The following PAIP2 variants were observed in gnomAD, a reference collection of about 807,000 sequenced individuals.
PAIP2 encodes the protein polyadenylate-binding protein-interacting protein 2.
Under a neutral mutation model 14.8 loss-of-function variants are expected in PAIP2, and 7 were observed. That is an observed-to-expected ratio of 0.47 (90% confidence interval 0.27 to 0.89). PAIP2 has a LOEUF of 0.89. PAIP2 is among the 40% of genes least tolerant of loss of function. The pLI, the probability that PAIP2 is intolerant of heterozygous loss-of-function variation, is 0.13. For synonymous variants in PAIP2, 47 were observed against 45.3 expected (o/e 1.04, Z -0.15); for missense variants, 122 against 154.7 (o/e 0.79, Z 1.12).
At chr5:139,360,027 C>T (rs752142406) in intron 1 of PAIP2, among the ~76,000 whole-genome samples, 5 of 152,006 alleles carry the variant, frequency 3.3e-5, no homozygotes, top group African/African-American at 4.8e-5. Flanking sequence ...AGTGCAGTGG[C>T]GCAGTCTCGG....
At chr5:139,353,719 TTTTC>T (rs763995643) in intron 1 of PAIP2, among the ~76,000 whole-genome samples, 14 of 103,878 alleles carry the variant, frequency 1.3e-4, no homozygotes, top group Non-Finnish European at 3.5e-4. Flanking sequence ...ATGCATTGTC[TTTTC>T]TTTTTTTTTT....
At chr5:139,347,419 G>A (rs1756586455) in intron 1 of PAIP2, among the ~76,000 whole-genome samples, 1 of 151,678 alleles carries the variant, frequency 6.6e-6, no homozygotes, top group Non-Finnish European at 1.5e-5. Context: ...CACTACAGGC[G>A]CCCACCACCA....
chr5:139,356,615 T>TA (rs1178514557), intron 1 of PAIP2, among the ~76,000 whole-genome samples: 8 of 152,092 alleles, frequency 5.3e-5, no homozygotes, highest in East Asian at 3.9e-4. Context: ...CACGGTGACT[T>TA]ACGCCTGTAA....
intron 1 of PAIP2, among the ~76,000 whole-genome samples, chr5:139,352,503 T>TTTTTTTGTTTTTG (rs1756772558): frequency 8.0e-6 from 1 of 124,462 alleles, no homozygotes; most frequent in Non-Finnish European, 1.7e-5. Flanking sequence ...TTTTTTGTTG[T>TTTTTTTGTTTTTG]TTTTTTTTTT....
intron 1 of PAIP2, among the ~76,000 whole-genome samples, chr5:139,348,109 G>A (rs1194357688): frequency 6.9e-6 from 1 of 145,274 alleles, no homozygotes; most frequent in African/African-American, 2.6e-5. Context: ...TCGTGCAGCT[G>A]CACTTTAGCC....
chr5:139,352,502 G>GTTTTTTTTTTTTTTTTTTTTTTTTT (rs536704901), intron 1 of PAIP2, among the ~76,000 whole-genome samples: 5 of 76,156 alleles, frequency 6.6e-5, no homozygotes, highest in South Asian at 5.0e-4. Flanking sequence ...TTTTTTTGTT[G>GTTTTTTTTTTTTTTTTTTTTTTTTT]TTTTTTTTTT....
At position 139,347,268 on chromosome 5, in the gene PAIP2, C is replaced by CTTT. The variant is rs34018719; in HGVS notation, c.-27+5309_-27+5311dup. ...TTACATGGAAATACTCATGTTACAA[C>CTTT]TTTTTTTTTTTTTTTTTTTTTTTAA... On this transcript the variant is annotated intron_variant, in intron 1 of 3. Coordinates refer to ENST00000265192, the MANE Select transcript of PAIP2 (RefSeq NM_016480.5). Among the ~76,000 whole-genome samples, 602 of 105,822 alleles carry CTTT rather than the reference C, an allele frequency of 5.7e-3. 13 individuals are homozygous for CTTT. The highest frequency in any genetic ancestry group is 0.015 in the African/African-American group (415 of 26,986). The allele number at this position is 105,822 out of a possible 152,430, so 69.4% of individuals were successfully genotyped here.
At chr5:139,344,312 A>G (rs1756472259) in intron 1 of PAIP2, among the ~76,000 whole-genome samples, 1 of 152,216 alleles carries the variant, frequency 6.6e-6, no homozygotes, top group African/African-American at 2.4e-5. Flanking sequence ...GCTATGTAGC[A>G]TAGCTGGGAT....
chr5:139,359,840 C>T (rs895389939), intron 1 of PAIP2, among the ~76,000 whole-genome samples: 1 of 150,812 alleles, frequency 6.6e-6, no homozygotes, highest in African/African-American at 2.4e-5. Context: ...GCCATGGTGG[C>T]ACGCTCCTGT....
chr5:139,357,782 G>A (rs984067468), intron 1 of PAIP2, among the ~76,000 whole-genome samples: 3 of 152,262 alleles, frequency 2.0e-5, no homozygotes, highest in South Asian at 2.1e-4. Flanking sequence ...AATGAGCTGA[G>A]ATTACGCGAC....
At chr5:139,345,308 G>A (rs1158753193) in intron 1 of PAIP2, among the ~76,000 whole-genome samples, 3 of 151,642 alleles carry the variant, frequency 2.0e-5, no homozygotes, top group African/African-American at 7.3e-5. Context: ...CAAAGTGCTG[G>A]GATTACAGGT....
chr5:139,363,714 A>C, intron 1 of PAIP2, 45 bp from the exon 2 acceptor site: 1 of 1,551,910 alleles, frequency 6.4e-7, no homozygotes. Context: ...GAAAGAAAAA[A>C]CCCTGAATGA....
At chr5:139,351,551 T>C (rs1318859240) in intron 1 of PAIP2, among the ~76,000 whole-genome samples, 1 of 152,256 alleles carries the variant, frequency 6.6e-6, no homozygotes, top group African/African-American at 2.4e-5. Context: ...AGGATACATA[T>C]TAAGCTGTTA....
chr5:139,345,500 A>T (rs1330985762), intron 1 of PAIP2, among the ~76,000 whole-genome samples: 6 of 152,234 alleles, frequency 3.9e-5, no homozygotes, highest in Admixed American at 6.5e-5. Context: ...TATGCGTAAA[A>T]TACGATTAAA....
rs541639191 is a variant in PAIP2, at chr5:139,345,594, T to G, written c.-27+3614T>G. ...AAAGATGGTGCCTATGGAGGTAGAT[T>G]AATGAAAGAAACAGAAGAGAACTAT... On this transcript the variant is annotated intron_variant, in intron 1 of 3. Coordinates refer to ENST00000265192, the MANE Select transcript of PAIP2 (RefSeq NM_016480.5). 1.1e-4 allele frequency among the ~76,000 whole-genome samples: 16 copies of G among 151,820 alleles called. No homozygotes were observed. The South Asian group carries it at 3.3e-3, about 32-fold the overall frequency.
intron 1 of PAIP2, among the ~76,000 whole-genome samples, chr5:139,349,137 G>A (rs767076624): frequency 3.9e-5 from 6 of 152,240 alleles, no homozygotes; most frequent in Non-Finnish European, 5.9e-5. Context: ...AAGTGTGTAA[G>A]TAAAATAATT....
intron 1 of PAIP2, among the ~76,000 whole-genome samples, chr5:139,348,694 TA>T (rs1756633993): frequency 6.8e-6 from 1 of 147,344 alleles, no homozygotes. Flanking sequence ...TTTTTTTTTT[TA>T]AAGTCAGAGT....
chr5:139,345,582 A>G (rs978396940), intron 1 of PAIP2, among the ~76,000 whole-genome samples: 2 of 151,952 alleles, frequency 1.3e-5, no homozygotes, highest in Non-Finnish European at 2.9e-5. Flanking sequence ...GATGGTGCCT[A>G]TGGAGGTAGA....
chr5:139,354,822 C>CTTT (rs113652416), intron 1 of PAIP2, among the ~76,000 whole-genome samples: 2 of 139,448 alleles, frequency 1.4e-5, no homozygotes, highest in African/African-American at 5.2e-5. Context: ...TCAGTTGTAC[C>CTTT]TTTTTTTTTT....
Sources: gnomAD v4.1 joint callset for allele counts (sites outside exome capture counted in the v4.1 genomes callset) on GRCh38, gnomAD v4.1.1 for gene constraint, MANE v1.5 for transcripts, NCBI Gene and HGNC (gene_info 2026-07-23, HGNC 2026-07-21) for gene names.